NDUFV3: variants seen among roughly 807,000 people sequenced by gnomAD.
NDUFV3 encodes the protein NADH:ubiquinone oxidoreductase subunit V3.
In NDUFV3, 44 loss-of-function variants were observed where a neutral mutation model predicts 37.5. That is an observed-to-expected ratio of 1.17 (90% CI 0.92 to 1.51). The LOEUF is 1.51. Ranked by LOEUF, NDUFV3 falls within the 40% of genes most tolerant of loss-of-function variation. NDUFV3 has a pLI of 0.00. For synonymous variants in NDUFV3, 235 were observed against 239.3 expected, an observed-to-expected ratio of 0.98 and a Z score of 0.17; for missense variants, 580 against 580.4, an observed-to-expected ratio of 1.00 and a Z score of 0.01.
chr21:42,898,113 A>C (rs1371384573), intron 2 of NDUFV3, among the ~76,000 whole-genome samples: 1 of 152,248 alleles, frequency 6.6e-6, no homozygotes, highest in East Asian at 1.9e-4. Flanking sequence ...GTCTGTGCAC[A>C]GAACACTGGT....
chr21:42,893,875 G>C (rs184961937), intron 1 of NDUFV3, among the ~76,000 whole-genome samples: 85 of 152,332 alleles, frequency 5.6e-4, no homozygotes, highest in Admixed American at 9.8e-4. Flanking sequence ...GACCTGACCT[G>C]TGAAAAGGAG....
rs1473640537 is a variant in NDUFV3 at position 42,909,991 on chromosome 21, A to G, written c.*970A>G. On this transcript the variant is annotated 3_prime_UTR_variant, in exon 4 of 4. Coordinates refer to ENST00000354250, the MANE Select transcript of NDUFV3 (RefSeq NM_021075.4). Reference sequence around the variant, plus strand: ...TGAGCCACTGCACCCAGCCAGTAATAGTGACTTCTAATCCTACAGCCCTGG... The same window carrying G: ...TGAGCCACTGCACCCAGCCAGTAATGGTGACTTCTAATCCTACAGCCCTGG... 1 of 152,130 alleles carries G rather than the reference A, an allele frequency of 6.6e-6. No individual in the cohort carries two copies. The highest frequency in any genetic ancestry group is 1.5e-5 in the Non-Finnish European group (1 of 68,056). The allele number at this position is 152,130 out of a possible 1,614,324, so 9.4% of individuals were successfully genotyped here. A position where few individuals can be genotyped will look rare whatever the true frequency, so the allele number is the denominator to read the frequency against.
At position 42,903,462 on chromosome 21, in the gene NDUFV3, G is replaced by A. The variant is rs375320819; in HGVS notation, c.450G>A (p.Ser150=). 31 of 1,613,928 alleles carry A rather than the reference G, an allele frequency of 1.9e-5. No individual in the cohort carries two copies. In the African/African-American group the frequency reaches 3.1e-4, roughly 16 times the overall value. The change falls in exon 3 of 4, where the codon TCG becomes TCA. Residue 150 remains serine, a synonymous_variant. Coordinates refer to ENST00000354250, the MANE Select transcript of NDUFV3 (RefSeq NM_021075.4). ...GTCAGGTGGGTCGGAAAGTGACGTC[G>A]CCTTCGTCTTCATCCTCTTCCAGCT... ...EARQVGRKVT[S]PSSSSSSSSS...
chr21:42,893,750 G>C (rs1330004842), intron 1 of NDUFV3, among the ~76,000 whole-genome samples: 1 of 152,260 alleles, frequency 6.6e-6, no homozygotes, highest in Non-Finnish European at 1.5e-5. Context: ...GCTCCCGCAC[G>C]GCTTCTCTGA....
chr21:42,904,442 A>T (rs928632283), intron 3 of NDUFV3, among the ~76,000 whole-genome samples, 166 bp downstream of exon 3: 4 of 151,486 alleles, frequency 2.6e-5, no homozygotes, highest in Admixed American at 2.6e-4. Flanking sequence ...TGTCTTAATT[A>T]TGGACAATCC....
chr21:42,902,894 T>G (rs1443087859), intron 2 of NDUFV3, among the ~76,000 whole-genome samples: 2 of 152,238 alleles, frequency 1.3e-5, no homozygotes, highest in African/African-American at 4.8e-5. Context: ...CATCTCTAGA[T>G]TACTTATAAT....
In NDUFV3 at chr21:42,903,559, G is replaced by T. The variant is rs1224368932; in HGVS notation, c.547G>T (p.Gly183Trp). The T allele has an allele frequency of 6.2e-7, 1 of 1,613,724 alleles. No homozygotes were observed. The highest frequency in any genetic ancestry group is 8.5e-7 in the Non-Finnish European group (1 of 1,179,942). Residue 183 changes from glycine to tryptophan, a missense_variant, in exon 3 of 4, where the codon GGG becomes TGG. Gly to Trp is a radical substitution (Grantham distance 184). Coordinates refer to ENST00000354250, the MANE Select transcript of NDUFV3 (RefSeq NM_021075.4). ...TCCTCGAGTGGTGAGCAAAGGCAGA[G>T]GGGGGCTTCGAAAACCAGAGGCCTC... is the stretch of plus-strand genomic sequence containing the variant. ...VTPRVVSKGR[G>W]GLRKPEASHS...
At chr21:42,905,661 G>A (rs1168727446) in intron 3 of NDUFV3, among the ~76,000 whole-genome samples, 4 of 151,852 alleles carry the variant, frequency 2.6e-5, no homozygotes, top group Non-Finnish European at 5.9e-5. Flanking sequence ...GATTACAGGC[G>A]TGTGGCACCA....
In NDUFV3 at chr21:42,893,399, C is replaced by G; in HGVS notation, c.48+18C>G. On this transcript the variant is annotated intron_variant, in intron 1 of 3. Coordinates refer to ENST00000354250, the MANE Select transcript of NDUFV3 (RefSeq NM_021075.4). ...CGCTGAAGGTAAAGGAGGAGCCAGC[C>G]TGGGCTGGCTGCGCGGCCCCGAGCC... The G allele has an allele frequency of 8.5e-6, 13 of 1,535,754 alleles. No homozygotes were observed. The highest frequency in any genetic ancestry group is 1.0e-5 in the Non-Finnish European group (12 of 1,146,284).
At chr21:42,907,545 G>A (rs1424142545) in intron 3 of NDUFV3, among the ~76,000 whole-genome samples, 1 of 151,380 alleles carries the variant, frequency 6.6e-6, no homozygotes, top group Non-Finnish European at 1.5e-5. Context: ...CTGCCTCCTG[G>A]GTTCAAGCAA....
At chr21:42,895,792 G>C (rs759426748) in intron 1 of NDUFV3, among the ~76,000 whole-genome samples, 2 of 152,034 alleles carry the variant, frequency 1.3e-5, no homozygotes, top group Non-Finnish European at 2.9e-5. Flanking sequence ...GATTGTCCTT[G>C]AACTCGGGTG....
chr21:42,907,215 G>GTTAGAAT (rs1217694768), intron 3 of NDUFV3, among the ~76,000 whole-genome samples: 1 of 152,144 alleles, frequency 6.6e-6, no homozygotes, highest in Non-Finnish European at 1.5e-5. Flanking sequence ...TAAATGCTGT[G>GTTAGAAT]TTGTTGTTAT....
At chr21:42,893,747 C>T (rs1313669175) in intron 1 of NDUFV3, among the ~76,000 whole-genome samples, 1 of 152,232 alleles carries the variant, frequency 6.6e-6, no homozygotes. Context: ...GCGGCTCCCG[C>T]ACGGCTTCTC....
intron 1 of NDUFV3, among the ~76,000 whole-genome samples, chr21:42,894,543 A>G (rs1342874811): frequency 1.4e-5 from 1 of 73,950 alleles, no homozygotes; most frequent in Non-Finnish European, 2.4e-5. Flanking sequence ...ATCATAATAT[A>G]ATATATAATA....
At position 42,910,357 on chromosome 21, in the gene NDUFV3, T is replaced by C. The variant is rs1358067452; in HGVS notation, c.*1336T>C. ...GAACAGGAATGTTACTAATTTTAAC[T>C]ACTGCATTGCAAACAAATTGTATTG... On this transcript the variant is annotated 3_prime_UTR_variant, in exon 4 of 4. Transcript: ENST00000354250. 6.6e-6 allele frequency: 1 copy of C among 152,292 alleles called. No homozygotes were observed. The highest frequency in any genetic ancestry group is 1.5e-5 in the Non-Finnish European group (1 of 68,082). 9.4% of individuals were successfully genotyped at this position (152,292 alleles called of 1,614,324 possible). A position where few individuals can be genotyped will look rare whatever the true frequency, so the allele number is the denominator to read the frequency against.
rs377559556 is a variant in NDUFV3 at position 42,901,025 on chromosome 21, A to C, written c.170-2157A>C. On this transcript the variant is annotated intron_variant, in intron 2 of 3. Transcript: ENST00000354250. ...GTAATTTCTGTGTAGCTTTTTGAAG[A>C]GTATGTCCAGAAGCCACAGTTAATT... Among the ~76,000 whole-genome samples, 22 of 152,274 alleles carry C rather than the reference A, an allele frequency of 1.4e-4. 1 individual carries two copies. The South Asian group carries it at 2.1e-3, about 14-fold the overall frequency.
At position 42,908,858 on chromosome 21, in the gene NDUFV3, C is replaced by A; in HGVS notation, c.1265-6C>A. ...TGGTCTCATGGGCATCGTGTTTCCT[C>A]CGCAGAGCCAGCCCCAGTGCCTGCT... On this transcript the variant is annotated splice_polypyrimidine_tract_variant and splice_region_variant and intron_variant, in intron 3 of 3. Transcript: ENST00000354250. The A allele has an allele frequency of 6.2e-7, 1 of 1,614,172 alleles. No individual in the cohort carries two copies. The highest frequency in any genetic ancestry group is 8.5e-7 in the Non-Finnish European group (1 of 1,180,022).
At chr21:42,894,465 AATAT>A (rs1278199079) in intron 1 of NDUFV3, among the ~76,000 whole-genome samples, 2 of 27,314 alleles carry the variant, frequency 7.3e-5, no homozygotes, top group Non-Finnish European at 1.2e-4. Context: ...TGTTTATATA[AATAT>A]ATATTATATA....
chr21:42,897,669 G>A (rs768962954), intron 2 of NDUFV3, among the ~76,000 whole-genome samples: 18 of 151,710 alleles, frequency 1.2e-4, no homozygotes, highest in Admixed American at 3.9e-4. Flanking sequence ...CACTGCGCCC[G>A]GCCTAAATCT....
Sources: gnomAD v4.1 joint callset for allele counts (sites outside exome capture counted in the v4.1 genomes callset) on GRCh38, gnomAD v4.1.1 for gene constraint, MANE v1.5 for transcripts, NCBI Gene and HGNC (gene_info 2026-07-23, HGNC 2026-07-21) for gene names.